The following MAPKAP1 variants were observed in gnomAD, a reference collection of about 807,000 sequenced individuals.
MAPKAP1 encodes MAPK associated protein 1, also known as target of rapamycin complex 2 subunit MAPKAP1.
In MAPKAP1, 20 loss-of-function variants were observed where a neutral mutation model predicts 65.7. The observed-to-expected ratio is 0.30, with a 90% CI of 0.21 to 0.44. The LOEUF is 0.44. MAPKAP1 is among the 20% of genes least tolerant of loss of function. The pLI, the probability that MAPKAP1 is intolerant of heterozygous loss-of-function variation, is 1.00. For synonymous variants in MAPKAP1, 222 were observed against 244.3 expected (o/e 0.91, Z 0.85); for missense variants, 423 against 648.0 (o/e 0.65, Z 3.77).
At chr9:125,527,302 C>A (rs990417852) in intron 7 of MAPKAP1, among the ~76,000 whole-genome samples, 8 of 151,920 alleles carry the variant, frequency 5.3e-5, no homozygotes, top group African/African-American at 1.9e-4. Flanking sequence ...TCCTGACCTC[C>A]TGATCCACCC....
intron 5 of MAPKAP1, among the ~76,000 whole-genome samples, chr9:125,563,311 G>T (rs966248330): frequency 6.6e-6 from 1 of 152,196 alleles, no homozygotes; most frequent in Non-Finnish European, 1.5e-5. Context: ...CACTTCCCAT[G>T]ACACAGCTTG....
chr9:125,554,794 C>CAAAAAAAA (rs56911891), intron 6 of MAPKAP1, among the ~76,000 whole-genome samples: 7 of 65,630 alleles, frequency 1.1e-4, no homozygotes, highest in African/African-American at 3.2e-4. Flanking sequence ...AGACACTTAT[C>CAAAAAAAA]AAAAAAAAAA....
At chr9:125,481,494 C>G (rs1854315752) in intron 9 of MAPKAP1, among the ~76,000 whole-genome samples, 1 of 151,808 alleles carries the variant, frequency 6.6e-6, no homozygotes, top group African/African-American at 2.4e-5. Context: ...GTCATGACAG[C>G]TCACTGCAGC....
At chr9:125,683,958 G>A (rs943053956) in intron 1 of MAPKAP1, among the ~76,000 whole-genome samples, 5 of 152,068 alleles carry the variant, frequency 3.3e-5, no homozygotes, top group Non-Finnish European at 7.3e-5. Context: ...TTTATTTCAG[G>A]TGTACCCTTC....
At chr9:125,623,928 G>C (rs1832998974) in intron 4 of MAPKAP1, among the ~76,000 whole-genome samples, 1 of 31,260 alleles carries the variant, frequency 3.2e-5, no homozygotes, top group African/African-American at 7.3e-5. Context: ...GTCCGGGAGG[G>C]AGATGGGGGG....
At chr9:125,588,685 C>T (rs471625) in intron 4 of MAPKAP1, among the ~76,000 whole-genome samples, 136,571 of 152,240 alleles carry the variant, frequency 0.9, 62,041 homozygotes, top group East Asian at 1. Flanking sequence ...ACTCTTGTTT[C>T]ATCTGATTTG....
rs545379343 is a variant in MAPKAP1 at position 125,706,501 on chromosome 9, C to A, written c.-70+470G>T. On this transcript the variant is annotated intron_variant, in intron 1 of 11. Transcript: ENST00000265960. ...CAGCCTTAAACAAATCTAAATGACTCCTTGCCACTCCCATAAACAAAGAAT... is the reference window on the plus strand; with the variant it reads ...CAGCCTTAAACAAATCTAAATGACTACTTGCCACTCCCATAAACAAAGAAT... Among the ~76,000 whole-genome samples, 6 of 152,114 alleles carry A rather than the reference C, an allele frequency of 3.9e-5. No individual in the cohort carries two copies. In the South Asian group the frequency reaches 1.2e-3, roughly 32 times the overall value.
At chr9:125,688,224 C>T (rs569532060) in intron 1 of MAPKAP1, among the ~76,000 whole-genome samples, 76 of 152,238 alleles carry the variant, frequency 5.0e-4, no homozygotes, top group African/African-American at 1.7e-3. Context: ...CTGCAACCTC[C>T]ACCTCCCAGG....
intron 4 of MAPKAP1, among the ~76,000 whole-genome samples, chr9:125,646,793 A>G (rs1206897202): frequency 6.6e-6 from 1 of 152,228 alleles, no homozygotes; most frequent in Non-Finnish European, 1.5e-5. Flanking sequence ...AGTGGTTATT[A>G]GATTTTCTTC....
chr9:125,453,346 G>A (rs540968619), intron 10 of MAPKAP1, among the ~76,000 whole-genome samples: 3 of 152,388 alleles, frequency 2.0e-5, no homozygotes, highest in South Asian at 4.1e-4. Flanking sequence ...GATTACAGGC[G>A]TGAGCCTCCG....
intron 4 of MAPKAP1, among the ~76,000 whole-genome samples, chr9:125,590,800 G>A (rs1205397953): frequency 6.6e-6 from 1 of 150,442 alleles, no homozygotes; most frequent in African/African-American, 2.5e-5. Flanking sequence ...TTTTTAAACA[G>A]TCTCGCTCTG....
chr9:125,509,221 A>T lies in MAPKAP1; in HGVS notation c.959-2804T>A, dbSNP rs546953660. 7.9e-5 allele frequency among the ~76,000 whole-genome samples: 12 copies of T among 152,270 alleles called. No homozygotes were observed. In the South Asian group the frequency reaches 2.5e-3, roughly 32 times the overall value. ...ATTACACATTCTATGAATGTAACAAAATATCACGTGTACTCCACAGATATA... is the reference window on the plus strand; with the variant it reads ...ATTACACATTCTATGAATGTAACAATATATCACGTGTACTCCACAGATATA... On this transcript the variant is annotated intron_variant, in intron 7 of 11. Transcript: ENST00000265960.
intron 4 of MAPKAP1, among the ~76,000 whole-genome samples, chr9:125,601,421 TA>T (rs901078762): frequency 7.9e-5 from 12 of 152,314 alleles, no homozygotes; most frequent in Middle Eastern, 3.4e-3. Context: ...TTAAATAGTG[TA>T]AAAAATCCAC....
intron 1 of MAPKAP1, among the ~76,000 whole-genome samples, chr9:125,686,510 G>A (rs1834983338): frequency 6.6e-6 from 1 of 152,198 alleles, no homozygotes; most frequent in South Asian, 2.1e-4. Flanking sequence ...CTATATGAAG[G>A]GACTTTCAGC....
chr9:125,704,061 C>T (rs1002461131), intron 1 of MAPKAP1, among the ~76,000 whole-genome samples: 1 of 152,208 alleles, frequency 6.6e-6, no homozygotes, highest in East Asian at 1.9e-4. Context: ...CGTGATCCCT[C>T]CTGTCTCACA....
In MAPKAP1 at chr9:125,467,959, A is replaced by T; in HGVS notation, c.1345+13T>A. ...AAGAGAGAAAGGAGACATAAATAAA[A>T]GGGACTACTCACTGGGGCTTTTCTC... is the stretch of plus-strand genomic sequence containing the variant. On this transcript the variant is annotated intron_variant, in intron 10 of 11. Transcript: ENST00000265960. 6.2e-7 allele frequency: 1 copy of T among 1,612,980 alleles called. No homozygotes were observed. The highest frequency in any genetic ancestry group is 8.5e-7 in the Non-Finnish European group (1 of 1,179,466).
At chr9:125,448,994 G>C (rs559869326) in intron 10 of MAPKAP1, among the ~76,000 whole-genome samples, 1 of 120,568 alleles carries the variant, frequency 8.3e-6, no homozygotes, top group African/African-American at 3.4e-5. Context: ...GACAGAGCGA[G>C]ACTCTGTCTC....
intron 11 of MAPKAP1, among the ~76,000 whole-genome samples, chr9:125,440,741 G>A (rs1852449215): frequency 6.6e-6 from 1 of 152,228 alleles, no homozygotes; most frequent in Non-Finnish European, 1.5e-5. Context: ...GCCTCGCCAA[G>A]TTACCAGCTG....
intron 10 of MAPKAP1, among the ~76,000 whole-genome samples, chr9:125,457,564 T>C (rs1853233779): frequency 6.6e-6 from 1 of 152,378 alleles, no homozygotes; most frequent in East Asian, 1.9e-4. Flanking sequence ...ACACTATCAA[T>C]ATTACACTGT....
Sources: gnomAD v4.1 joint callset for allele counts (sites outside exome capture counted in the v4.1 genomes callset) on GRCh38, gnomAD v4.1.1 for gene constraint, MANE v1.5 for transcripts, NCBI Gene and HGNC (gene_info 2026-07-23, HGNC 2026-07-21) for gene names.